The following EIPR1 variants were observed in gnomAD, a reference collection of about 807,000 sequenced individuals.
The protein encoded by EIPR1 is EARP and GARP complex-interacting protein 1.
In EIPR1, 25 loss-of-function variants were observed where a neutral mutation model predicts 48.1. The observed-to-expected ratio is 0.52, with a 90% CI of 0.38 to 0.73. The LOEUF (loss-of-function observed/expected upper bound fraction) is 0.73, where lower values mean the gene tolerates loss of function less well. Ranked by LOEUF, EIPR1 falls within the 30% of genes least tolerant of loss-of-function variation. EIPR1 has a pLI of 0.00. For missense variants in EIPR1, 415 were observed against 506.2 expected (o/e 0.82, Z 1.73); for synonymous variants, 204 against 201.9 (o/e 1.01, Z -0.09).
chr2:3,274,390 A>T, intron 3 of EIPR1: 4 of 1,550,612 alleles, frequency 2.6e-6, no homozygotes, highest in Non-Finnish European at 3.5e-6. Context: ...AGAGCACCAA[A>T]GGAATCCAGA....
intron 4 of EIPR1, among the ~76,000 whole-genome samples, chr2:3,223,824 G>C: frequency 6.6e-6 from 1 of 152,046 alleles, no homozygotes; most frequent in East Asian, 1.9e-4. Flanking sequence ...TGTGGACAAA[G>C]CCAGAACCAA....
intron 5 of EIPR1, among the ~76,000 whole-genome samples, chr2:3,201,160 G>T (rs535093923): frequency 6.6e-6 from 1 of 152,176 alleles, no homozygotes; most frequent in South Asian, 2.1e-4. Context: ...CTCTCACTCC[G>T]GCCTGGCTCC....
chr2:3,291,992 G>A (rs1158357925), intron 3 of EIPR1, among the ~76,000 whole-genome samples: 3 of 152,262 alleles, frequency 2.0e-5, no homozygotes, highest in Admixed American at 1.3e-4. Context: ...GGGGCACCAT[G>A]CACACGTGCT....
chr2:3,218,016 A>G (rs1001653839), intron 4 of EIPR1, among the ~76,000 whole-genome samples: 4 of 152,162 alleles, frequency 2.6e-5, no homozygotes, highest in African/African-American at 9.7e-5. Context: ...AGCCAGGTGC[A>G]CACCCAACAC....
intron 3 of EIPR1, among the ~76,000 whole-genome samples, chr2:3,324,383 C>T (rs747558007): frequency 2.6e-5 from 4 of 152,178 alleles, no homozygotes; most frequent in Admixed American, 6.5e-5. Context: ...CAGCTCCTCC[C>T]GGGCAGTGGC....
chr2:3,214,920 T>G (rs372325303), intron 4 of EIPR1, among the ~76,000 whole-genome samples: 2 of 149,960 alleles, frequency 1.3e-5, no homozygotes, highest in African/African-American at 4.9e-5. Flanking sequence ...ATGGGATTCA[T>G]GCCTTTATAA....
Position 3,356,169 on chromosome 2 carries a change from C to T in EIPR1, c.43-1536G>A, listed in dbSNP as rs192878201. ...AAGGCCAGATGGCCGGGGTTTTATA[C>T]CACCCAACCCCTACCCCCATGGGTC... On this transcript the variant is annotated intron_variant, in intron 1 of 8. Transcript: ENST00000382125. 1.2e-3 allele frequency among the ~76,000 whole-genome samples: 182 copies of T among 152,312 alleles called. 2 individuals carry two copies. Among genetic ancestry groups the T allele is most frequent in the Admixed American group, 2.2e-3 (33 of 15,308 alleles).
intron 3 of EIPR1, among the ~76,000 whole-genome samples, chr2:3,277,659 C>A (rs1020433445): frequency 2.0e-5 from 3 of 152,226 alleles, no homozygotes; most frequent in Admixed American, 6.5e-5. Context: ...GAGTAACGCC[C>A]ACCTGCTACT....
At chr2:3,258,181 A>G (rs1282730209) in intron 3 of EIPR1, among the ~76,000 whole-genome samples, 1 of 152,236 alleles carries the variant, frequency 6.6e-6, no homozygotes, top group Non-Finnish European at 1.5e-5. Flanking sequence ...TAGAGTACCT[A>G]GAAAAGCCAC....
chr2:3,223,398 T>C (rs34199621), intron 4 of EIPR1, among the ~76,000 whole-genome samples: 8,937 of 152,222 alleles, frequency 0.059, 272 homozygotes, highest in Non-Finnish European at 0.063. Flanking sequence ...CATGGGAATA[T>C]GCAAGCAGCC....
chr2:3,368,178 G>A (rs1671022684), intron 1 of EIPR1, among the ~76,000 whole-genome samples: 1 of 152,196 alleles, frequency 6.6e-6, no homozygotes, highest in African/African-American at 2.4e-5. Context: ...AAAGCCAAAA[G>A]CCCACAGTCT....
intron 5 of EIPR1, among the ~76,000 whole-genome samples, chr2:3,205,020 G>A (rs1404008732): frequency 6.6e-6 from 1 of 152,202 alleles, no homozygotes; most frequent in Non-Finnish European, 1.5e-5. Flanking sequence ...ACCAGCAGAG[G>A]GAAGCACGCA....
At chr2:3,369,969 C>A (rs1671071414) in intron 1 of EIPR1, among the ~76,000 whole-genome samples, 1 of 148,628 alleles carries the variant, frequency 6.7e-6, no homozygotes, top group East Asian at 2.0e-4. Context: ...CCCGAGCAGC[C>A]TAACTGGGAG....
intron 3 of EIPR1, among the ~76,000 whole-genome samples, chr2:3,259,688 G>A (rs560921005): frequency 3.3e-5 from 5 of 152,292 alleles, no homozygotes; most frequent in East Asian, 1.9e-4. Context: ...ACAAAGAGGG[G>A]TTTTTCTTTC....
At chr2:3,232,381 G>A (rs1206615912) in intron 4 of EIPR1, among the ~76,000 whole-genome samples, 1 of 152,100 alleles carries the variant, frequency 6.6e-6, no homozygotes, top group Non-Finnish European at 1.5e-5. Flanking sequence ...AGTCCCTGAT[G>A]TATAAAGTTG....
At chr2:3,328,175 C>A (rs1177292350) in intron 3 of EIPR1, among the ~76,000 whole-genome samples, 2 of 152,216 alleles carry the variant, frequency 1.3e-5, no homozygotes, top group Non-Finnish European at 2.9e-5. Flanking sequence ...AACATCCGTG[C>A]TCACACCTGT....
At chr2:3,294,464 C>A (rs1353122906) in intron 3 of EIPR1, among the ~76,000 whole-genome samples, 1 of 142,650 alleles carries the variant, frequency 7.0e-6, no homozygotes, top group African/African-American at 2.6e-5. Flanking sequence ...AACACACACC[C>A]TCCATCCAGC....
chr2:3,206,013 C>T (rs1665222827), intron 5 of EIPR1, among the ~76,000 whole-genome samples: 1 of 152,210 alleles, frequency 6.6e-6, no homozygotes, highest in Non-Finnish European at 1.5e-5. Flanking sequence ...GGGGCGAACA[C>T]TGATGCTGCC....
At chr2:3,293,819 T>C (rs931228169) in intron 3 of EIPR1, among the ~76,000 whole-genome samples, 1 of 152,204 alleles carries the variant, frequency 6.6e-6, no homozygotes, top group Non-Finnish European at 1.5e-5. Context: ...ACAGACAATT[T>C]TGAATTTGTC....
Sources: allele counts gnomAD v4.1 joint callset (sites outside exome capture counted in the v4.1 genomes callset), GRCh38; gene constraint gnomAD v4.1.1; transcripts MANE v1.5; gene names NCBI Gene and HGNC (gene_info 2026-07-23, HGNC 2026-07-21).